Variants in TANC2 observed in about 807,000 individuals in gnomAD.
TANC2 encodes the protein tetratricopeptide repeat, ankyrin repeat and coiled-coil containing 2.
Under a neutral mutation model 210.5 loss-of-function variants are expected in TANC2, and 26 were observed. The observed-to-expected ratio is 0.12, with a 90% CI of 0.09 to 0.17. The LOEUF is 0.17. TANC2 is among the 10% of genes least tolerant of loss of function. The pLI, the probability that TANC2 is intolerant of heterozygous loss-of-function variation, is 1.00. For synonymous variants in TANC2, 931 were observed against 967.1 expected, an observed-to-expected ratio of 0.96 and a Z score of 0.69; for missense variants, 2,129 against 2,608.9, an observed-to-expected ratio of 0.82 and a Z score of 4.01.
chr17:63,332,725 A>C (rs1033974727), intron 11 of TANC2, among the ~76,000 whole-genome samples: 8 of 152,158 alleles, frequency 5.3e-5, no homozygotes, highest in Non-Finnish European at 1.0e-4. Flanking sequence ...GCTAGAGAGA[A>C]GTCAATGCCT....
chr17:63,045,348 C>T (rs2035338030), intron 2 of TANC2, among the ~76,000 whole-genome samples: 1 of 152,208 alleles, frequency 6.6e-6, no homozygotes, highest in South Asian at 2.1e-4. Context: ...AGTCTGTACA[C>T]TGTCTTAAAA....
chr17:63,083,916 C>T (rs1412069333), intron 3 of TANC2, among the ~76,000 whole-genome samples: 1 of 152,088 alleles, frequency 6.6e-6, no homozygotes, highest in Admixed American at 6.5e-5. Flanking sequence ...AGAATTTTTG[C>T]ACGTACGTTC....
chr17:63,094,054 A>AT (rs1240193846), intron 3 of TANC2, among the ~76,000 whole-genome samples: 21 of 152,252 alleles, frequency 1.4e-4, no homozygotes, highest in Admixed American at 3.9e-4. Context: ...TGTTTTTTAA[A>AT]ATTTTCCAAA....
intron 2 of TANC2, among the ~76,000 whole-genome samples, chr17:63,035,344 CTT>C (rs1174352161): frequency 6.6e-6 from 1 of 152,166 alleles, no homozygotes; most frequent in African/African-American, 2.4e-5. Flanking sequence ...ATAAACATAA[CTT>C]TTGTCTGCAC....
At chr17:63,088,941 C>T (rs1026604388) in intron 3 of TANC2, 1 of 152,156 alleles carries the variant, frequency 6.6e-6, no homozygotes, top group Non-Finnish European at 1.5e-5. Context: ...ATAACATTAG[C>T]ACTCCTTTTG....
At chr17:63,376,181 C>T (rs1405315052) in intron 14 of TANC2, among the ~76,000 whole-genome samples, 6 of 151,890 alleles carry the variant, frequency 4.0e-5, no homozygotes, top group African/African-American at 1.2e-4. Flanking sequence ...CACCTGTAAT[C>T]CCAGCACTTT....
At chr17:63,379,863 C>A in intron 15 of TANC2, 37 bp downstream of exon 15, 1 of 1,531,518 alleles carries the variant, frequency 6.5e-7, no homozygotes, top group African/African-American at 1.4e-5. Context: ...TCCGCCATCT[C>A]TAGCAGACTT....
intron 19 of TANC2, among the ~76,000 whole-genome samples, chr17:63,400,254 A>G (rs533554189): frequency 1.3e-5 from 2 of 152,362 alleles, no homozygotes; most frequent in South Asian, 4.1e-4. Context: ...GTGATAATGA[A>G]TAGAAATTAC....
chr17:63,019,861 T>C (rs761589524), intron 2 of TANC2, among the ~76,000 whole-genome samples: 40 of 152,220 alleles, frequency 2.6e-4, no homozygotes, highest in Non-Finnish European at 5.4e-4. Context: ...TCGCTATATA[T>C]TCTAGCCTTT....
chr17:63,250,282 GTATT>G lies in TANC2; in HGVS notation c.1033+12229_1033+12232del, dbSNP rs372173982. Reference sequence around the variant, plus strand: ...TGGAAAGTGTTAGTTAAATATTATAGTATTTATTTATTTATTTATTTATTTATGA... The same window carrying G: ...TGGAAAGTGTTAGTTAAATATTATAGTATTTATTTATTTATTTATTTATGA... On this transcript the variant is annotated intron_variant, in intron 8 of 27. Transcript: ENST00000689528. 4.3e-3 allele frequency among the ~76,000 whole-genome samples: 646 copies of G among 150,768 alleles called. 4 individuals carry two copies. Among genetic ancestry groups the G allele is most frequent in the African/African-American group, 0.014 (558 of 40,792 alleles).
chr17:63,017,462 G>A (rs540239122), intron 2 of TANC2, among the ~76,000 whole-genome samples: 2 of 152,090 alleles, frequency 1.3e-5, no homozygotes, highest in South Asian at 2.1e-4. Context: ...CTGTTCTGTT[G>A]TATAGGATTT....
At chr17:63,263,665 C>T (rs2043436115) in intron 8 of TANC2, among the ~76,000 whole-genome samples, 1 of 152,204 alleles carries the variant, frequency 6.6e-6, no homozygotes, top group Non-Finnish European at 1.5e-5. Flanking sequence ...TTTTCCTCTG[C>T]CTTTGTAGAT....
rs759782173 is a variant in TANC2 at position 63,169,816 on chromosome 17, A to AAAT, written c.433+18455_433+18457dup. On this transcript the variant is annotated intron_variant, in intron 5 of 27. Transcript: ENST00000689528. The stretch of plus-strand genomic sequence containing the variant: ...CAACAAAGTGAGACTCCATCTCAAA[A>AAAT]AATAATAATAATAATAATAATTTTA... Among the ~76,000 whole-genome samples, 46 of 151,532 alleles carry AAAT rather than the reference A, an allele frequency of 3.0e-4. No homozygotes were observed. The South Asian group carries it at 4.4e-3, about 14-fold the overall frequency.
At chr17:63,396,664 TGCA>T (rs1176590021) in intron 18 of TANC2, 4 of 152,170 alleles carry the variant, frequency 2.6e-5, no homozygotes, top group Non-Finnish European at 4.4e-5. Context: ...TCATGTCCTT[TGCA>T]GCAACATAGA....
At chr17:63,404,576 G>A (rs566011019) in intron 19 of TANC2, among the ~76,000 whole-genome samples, 1 of 152,156 alleles carries the variant, frequency 6.6e-6, no homozygotes, top group South Asian at 2.1e-4. Context: ...AAATGTACCA[G>A]AAACTTCTGT....
At chr17:63,236,163 T>C (rs1481478954) in intron 7 of TANC2, among the ~76,000 whole-genome samples, 4 of 152,056 alleles carry the variant, frequency 2.6e-5, no homozygotes, top group African/African-American at 9.7e-5. Flanking sequence ...ATAAAAAGAA[T>C]ATAGAGATCT....
chr17:63,109,062 G>A (rs2037934110), intron 4 of TANC2, among the ~76,000 whole-genome samples: 1 of 151,390 alleles, frequency 6.6e-6, no homozygotes, highest in South Asian at 2.1e-4. Context: ...CATGTATTAT[G>A]TATTAAAACT....
intron 8 of TANC2, among the ~76,000 whole-genome samples, chr17:63,263,154 G>A (rs2043420168): frequency 6.6e-6 from 1 of 152,110 alleles, no homozygotes; most frequent in African/African-American, 2.4e-5. Context: ...TCTTATCATA[G>A]TTGAGCACAG....
At chr17:63,003,558 A>C (rs763505059) in intron 1 of TANC2, among the ~76,000 whole-genome samples, 1 of 152,236 alleles carries the variant, frequency 6.6e-6, no homozygotes, top group Non-Finnish European at 1.5e-5. Flanking sequence ...GTGAGATTTC[A>C]TCAGGCTACT....
Sources: gnomAD v4.1 joint callset for allele counts (sites outside exome capture counted in the v4.1 genomes callset) on GRCh38, gnomAD v4.1.1 for gene constraint, MANE v1.5 for transcripts, NCBI Gene and HGNC (gene_info 2026-07-23, HGNC 2026-07-21) for gene names.